Variants in RBFOX1 observed in about 807,000 individuals in gnomAD.
RBFOX1 encodes the protein RNA binding protein fox-1 homolog 1.
A neutral mutation model predicts 57.7 loss-of-function variants in RBFOX1; 8 were observed. That is an observed-to-expected ratio of 0.14 (90% CI 0.08 to 0.25). The LOEUF is 0.25. Ranked by LOEUF, RBFOX1 falls within the 10% of genes least tolerant of loss-of-function variation. The pLI, the probability that RBFOX1 is intolerant of heterozygous loss-of-function variation, is 1.00. For missense variants in RBFOX1, 611 were observed against 548.5 expected (o/e 1.11, Z -1.14); for synonymous variants, 326 against 222.4 (o/e 1.47, Z -4.15).
chr16:6,830,303 T>C (rs922682712), intron 3 of RBFOX1, among the ~76,000 whole-genome samples: 7 of 152,202 alleles, frequency 4.6e-5, no homozygotes, highest in Non-Finnish European at 8.8e-5. Context: ...AAGTCTAAAA[T>C]AATACAGAAC....
chr16:6,870,238 G>C (rs190531846), intron 3 of RBFOX1, among the ~76,000 whole-genome samples: 47 of 152,190 alleles, frequency 3.1e-4, no homozygotes, highest in African/African-American at 1.1e-3. Flanking sequence ...TTAGCAGCCT[G>C]GGGTGGGGCA....
intron 1 of RBFOX1, among the ~76,000 whole-genome samples, chr16:6,048,919 A>C (rs190245863): frequency 4.6e-4 from 70 of 152,196 alleles, no homozygotes; most frequent in Admixed American, 2.0e-3. Flanking sequence ...TTAGATGCTG[A>C]GTTCTAGCTA....
At chr16:5,476,311 C>G (rs1490915371) in intron 2 of RBFOX1, among the ~76,000 whole-genome samples, 2 of 152,196 alleles carry the variant, frequency 1.3e-5, no homozygotes, top group African/African-American at 4.8e-5. Context: ...AGTGCAGAAT[C>G]TGATTCGGTA....
intron 3 of RBFOX1, among the ~76,000 whole-genome samples, chr16:6,969,088 A>T (rs1238986479): frequency 6.6e-6 from 1 of 152,042 alleles, no homozygotes; most frequent in Non-Finnish European, 1.5e-5. Context: ...TACAGGAGAG[A>T]CCTTCTCCTA....
intron 6 of RBFOX1, among the ~76,000 whole-genome samples, chr16:7,585,283 T>C (rs1208794228): frequency 2.0e-5 from 3 of 152,216 alleles, no homozygotes; most frequent in Non-Finnish European, 4.4e-5. Context: ...ATCTGAATGT[T>C]TTCTTCTATT....
chr16:6,443,280 G>A (rs936074119), intron 2 of RBFOX1, among the ~76,000 whole-genome samples: 8 of 151,986 alleles, frequency 5.3e-5, no homozygotes, highest in Non-Finnish European at 8.8e-5. Context: ...GGATTCCTGC[G>A]TGCTATCTCT....
At chr16:5,371,454 C>T (rs1048227129) in intron 1 of RBFOX1, among the ~76,000 whole-genome samples, 6 of 152,186 alleles carry the variant, frequency 3.9e-5, no homozygotes, top group South Asian at 2.1e-4. Context: ...ATCCTGCCAA[C>T]GCTTTGATCT....
intron 3 of RBFOX1, among the ~76,000 whole-genome samples, chr16:6,809,567 A>G (rs1011936309): frequency 2.6e-5 from 4 of 152,150 alleles, no homozygotes; most frequent in Non-Finnish European, 5.9e-5. Context: ...CCTATTGTAT[A>G]TGAAGCCTTC....
intron 4 of RBFOX1, among the ~76,000 whole-genome samples, chr16:7,287,259 T>C (rs758973801): frequency 6.6e-6 from 1 of 152,102 alleles, no homozygotes; most frequent in East Asian, 1.9e-4. Flanking sequence ...ATAATAAAAA[T>C]AGAAATGAGG....
At chr16:6,976,108 C>T (rs556907677) in intron 3 of RBFOX1, among the ~76,000 whole-genome samples, 1 of 151,340 alleles carries the variant, frequency 6.6e-6, no homozygotes, top group African/African-American at 2.4e-5. Flanking sequence ...GCCTGGGCGA[C>T]AGAGTGAGAC....
intron 3 of RBFOX1, among the ~76,000 whole-genome samples, chr16:6,955,746 C>G (rs901948736): frequency 6.6e-6 from 1 of 150,498 alleles, no homozygotes; most frequent in East Asian, 1.9e-4. Context: ...TCTTGTTCCC[C>G]AAGCTGGAGT....
chr16:7,447,028 G>A (rs1004645286), intron 4 of RBFOX1, among the ~76,000 whole-genome samples: 1 of 151,388 alleles, frequency 6.6e-6, no homozygotes, highest in African/African-American at 2.4e-5. Flanking sequence ...TAGCCAGGAT[G>A]GTCTTGATCT....
intron 4 of RBFOX1, among the ~76,000 whole-genome samples, chr16:7,124,535 TTCCCTCTCTCCCTCCC>T (rs2067976159): frequency 2.7e-5 from 1 of 36,510 alleles, no homozygotes; most frequent in Non-Finnish European, 5.2e-5. Flanking sequence ...CCCTCCTTCC[TTCCCTCTCTCCCTCCC>T]TCCCTCCCTC....
intron 3 of RBFOX1, among the ~76,000 whole-genome samples, chr16:5,764,251 T>C (rs1281268475): frequency 1.3e-5 from 2 of 152,196 alleles, no homozygotes; most frequent in African/African-American, 4.8e-5. Context: ...TCTTAAGTTA[T>C]TAATAGTCCT....
intron 3 of RBFOX1, among the ~76,000 whole-genome samples, chr16:7,009,573 C>T (rs909190150): frequency 1.3e-5 from 2 of 152,192 alleles, no homozygotes; most frequent in Non-Finnish European, 2.9e-5. Flanking sequence ...GAAAGTGCAG[C>T]AGTAACGATG....
intron 3 of RBFOX1, among the ~76,000 whole-genome samples, chr16:5,648,987 C>A (rs1282204275): frequency 2.0e-5 from 3 of 151,854 alleles, no homozygotes; most frequent in Non-Finnish European, 4.4e-5. Flanking sequence ...TCACTTGAAC[C>A]TAGGAGGTGG....
chr16:7,647,110 A>G (rs1434144166), intron 11 of RBFOX1, among the ~76,000 whole-genome samples: 7 of 152,168 alleles, frequency 4.6e-5, no homozygotes, highest in Non-Finnish European at 1.0e-4. Context: ...TAAAGCTTCC[A>G]TTTCATCGAG....
intron 1 of RBFOX1, among the ~76,000 whole-genome samples, chr16:5,331,005 G>C (rs753259054): frequency 1.3e-5 from 2 of 151,844 alleles, no homozygotes; most frequent in Non-Finnish European, 1.5e-5. Context: ...TTAAATTTAA[G>C]TCACCTTCTC....
At chr16:6,095,141 A>T (rs916158405) in intron 1 of RBFOX1, among the ~76,000 whole-genome samples, 1 of 152,242 alleles carries the variant, frequency 6.6e-6, no homozygotes, top group Admixed American at 6.5e-5. Context: ...GCCCATACAT[A>T]TATCATCATC....
Sources: gnomAD v4.1 joint callset for allele counts (sites outside exome capture counted in the v4.1 genomes callset) on GRCh38, gnomAD v4.1.1 for gene constraint, MANE v1.5 for transcripts, NCBI Gene and HGNC (gene_info 2026-07-23, HGNC 2026-07-21) for gene names.